Variants in GFPT2 observed in about 807,000 individuals in gnomAD.
GFPT2 encodes the protein glutamine--fructose-6-phosphate aminotransferase [isomerizing] 2.
In GFPT2, 62 loss-of-function variants were observed where a neutral mutation model predicts 85.6. The observed-to-expected ratio is 0.72, with a 90% CI of 0.59 to 0.90. The LOEUF is 0.90. GFPT2 is among the 40% of genes least tolerant of loss of function. The pLI is 0.00. For missense variants in GFPT2, 788 were observed against 893.4 expected, an observed-to-expected ratio of 0.88 and a Z score of 1.50; for synonymous variants, 368 against 344.5, an observed-to-expected ratio of 1.07 and a Z score of -0.75.
intron 16 of GFPT2, 116 bp from the exon 17 acceptor site, chr5:180,305,055 G>T: frequency 1.3e-6 from 1 of 756,356 alleles, no homozygotes; most frequent in Non-Finnish European, 2.3e-6. Flanking sequence ...GAGAGCCAAG[G>T]GTTGCAAGGC....
rs560448078 is a variant in GFPT2 at position 180,324,269 on chromosome 5, C to T, written c.713G>A (p.Arg238Gln). 45 of 1,610,844 alleles carry T rather than the reference C, an allele frequency of 2.8e-5. No individual in the cohort carries two copies. The highest frequency in any genetic ancestry group is 2.5e-4 in the South Asian group (23 of 90,846). The change falls in exon 9 of 19, where the codon CGG (arginine) becomes CAG (glutamine). Residue 238 changes from arginine (R) to glutamine (Q), a missense_variant. Transcript: ENST00000253778. ...GGCGGAGCTGTCCAGCCTCTTCATC[C>T]GTGTCTTACAGATATTCTTCACATT... Reference protein sequence around the residue: ...LENVKNICKTRMKRLDSSACL... With the variant: ...LENVKNICKTQMKRLDSSACL...
At chr5:180,346,096 C>T (rs1240119817) in intron 1 of GFPT2, among the ~76,000 whole-genome samples, 1 of 152,160 alleles carries the variant, frequency 6.6e-6, no homozygotes. Context: ...CCACCATCTA[C>T]AGTGGCTCCC....
chr5:180,325,013 T>C lies in GFPT2; in HGVS notation c.597-118A>G, dbSNP rs1238296772. On this transcript the variant is annotated intron_variant, in intron 7 of 18. Coordinates refer to ENST00000253778, the MANE Select transcript of GFPT2 (RefSeq NM_005110.4). ...GCCCTTTCCCAGTGGTGGAGGATCC[T>C]GTTTAGGTCCCACAGGACGGACGCC... 5.4e-6 allele frequency: 4 copies of C among 734,292 alleles called. No homozygotes were observed. The African/African-American group carries it at 6.9e-5, about 13-fold the overall frequency. 45.5% of individuals were successfully genotyped at this position (734,292 alleles called of 1,614,324 possible).
chr5:180,321,833 G>A (rs1003381341), intron 9 of GFPT2, among the ~76,000 whole-genome samples: 1 of 152,210 alleles, frequency 6.6e-6, no homozygotes, highest in African/African-American at 2.4e-5. Flanking sequence ...GCCCAGGCTG[G>A]AGTGCAGTGG....
chr5:180,346,551 C>T (rs1016286199), intron 1 of GFPT2, among the ~76,000 whole-genome samples: 8 of 152,352 alleles, frequency 5.3e-5, no homozygotes, highest in East Asian at 1.9e-4. Context: ...GCGGGCCCAC[C>T]GCGTGACGTC....
At position 180,311,667 on chromosome 5, in the gene GFPT2, G is replaced by A. The variant is rs763008529; in HGVS notation, c.1546+763C>T. On this transcript the variant is annotated intron_variant, in intron 15 of 18. Coordinates refer to ENST00000253778, the MANE Select transcript of GFPT2 (RefSeq NM_005110.4). ...CTGGCAGACAGAGCTGTGTGTTCAC[G>A]GAGCCGACATGTTAGTTGGGGGAGA... 4.2e-4 allele frequency among the ~76,000 whole-genome samples: 64 copies of A among 152,224 alleles called. 1 individual carries two copies. Among genetic ancestry groups the A allele is most frequent in the Non-Finnish European group, 9.1e-4 (62 of 68,020 alleles).
chr5:180,302,958 G>A (rs974748808), intron 17 of GFPT2, among the ~76,000 whole-genome samples: 2 of 152,108 alleles, frequency 1.3e-5, no homozygotes, highest in Non-Finnish European at 2.9e-5. Context: ...GGCCGGGCGT[G>A]GTGGCTCACG....
chr5:180,305,248 T>C (rs1260968555), intron 16 of GFPT2, among the ~76,000 whole-genome samples: 1 of 152,084 alleles, frequency 6.6e-6, no homozygotes. Context: ...GACAAACAAG[T>C]CGGAGTCAGC....
chr5:180,350,328 T>A (rs1764690334), intron 1 of GFPT2, among the ~76,000 whole-genome samples: 2 of 152,246 alleles, frequency 1.3e-5, no homozygotes, highest in Admixed American at 6.5e-5. Flanking sequence ...AATCTCCCAA[T>A]TTTGTACTTT....
chr5:180,350,218 A>C (rs1454944661), intron 1 of GFPT2, among the ~76,000 whole-genome samples: 1 of 152,062 alleles, frequency 6.6e-6, no homozygotes, highest in Non-Finnish European at 1.5e-5. Context: ...TGTGTCCATC[A>C]CCCAAGGGGT....
Position 180,342,658 on chromosome 5 carries a change from T to C in GFPT2, c.8-4058A>G, listed in dbSNP as rs186465320. 3.9e-3 allele frequency among the ~76,000 whole-genome samples: 598 copies of C among 152,118 alleles called. 23 individuals carry two copies. In the South Asian group the frequency reaches 0.094, roughly 24 times the overall value. On this transcript the variant is annotated intron_variant, in intron 1 of 18. Coordinates refer to ENST00000253778, the MANE Select transcript of GFPT2 (RefSeq NM_005110.4). ...GGCTCACGCCTGTAATCCTAGCGCT[T>C]TGGGAGGCCAAGCTGGACAGATCAT...
chr5:180,336,544 T>A lies in GFPT2; in HGVS notation c.149A>T (p.Lys50Ile). 6.2e-7 allele frequency: 1 copy of A among 1,611,832 alleles called. No individual in the cohort carries two copies. Among genetic ancestry groups the A allele is most frequent in the South Asian group, 1.1e-5 (1 of 91,030 alleles). ...VAIDGNNHEV[K>I]ERHIQLVKKR... ...CTTGACCAGCTGAATGTGTCTTTCT[T>A]TGACTTCGTGATTATTCCCATCGAT... Residue 50 changes from lysine (K) to isoleucine (I), a missense_variant, in exon 3 of 19, where the codon AAA (lysine) becomes ATA (isoleucine). Lys to Ile is a moderately radical substitution (Grantham distance 102). Coordinates refer to ENST00000253778, the MANE Select transcript of GFPT2 (RefSeq NM_005110.4).
chr5:180,319,194 C>T (rs2127650782), intron 9 of GFPT2, among the ~76,000 whole-genome samples: 1 of 152,364 alleles, frequency 6.6e-6, no homozygotes, highest in African/African-American at 2.4e-5. Context: ...CTTCTGTAAA[C>T]ACTTTACCAT....
chr5:180,316,637 C>T (rs6893651), intron 12 of GFPT2, 127 bp downstream of exon 12: 78,806 of 901,264 alleles, frequency 0.087, 4,352 homozygotes, highest in African/African-American at 0.19. Context: ...TCATTTCTCA[C>T]GCTAGCTCAT....
rs761818623 is a variant in GFPT2, at chr5:180,330,726, A to C, written c.508T>G (p.Leu170Val). ...RETEDITFST[L>V]VERVIQQLEG... Reference sequence around the variant, plus strand: ...AACTGCTGAATGACTCTCTCGACCAACGTTGAAAACGTAATGTCCTCAGTT... The same window carrying C: ...AACTGCTGAATGACTCTCTCGACCACCGTTGAAAACGTAATGTCCTCAGTT... Residue 170 changes from leucine (L) to valine (V), a missense_variant, in exon 6 of 19, where the codon TTG (leucine) becomes GTG (valine). By Grantham distance (32) the Leu-to-Val change is conservative. Transcript: ENST00000253778. The surrounding 1 kb of genome is among the most constrained non-coding windows in gnomAD (Gnocchi z 4.4). The C allele has an allele frequency of 8.7e-6, 14 of 1,613,178 alleles. No individual in the cohort carries two copies.
chr5:180,329,109 C>T (rs868418489), intron 6 of GFPT2, among the ~76,000 whole-genome samples: 7 of 152,264 alleles, frequency 4.6e-5, no homozygotes, highest in Middle Eastern at 3.4e-3. Flanking sequence ...ACTAACTTAC[C>T]GCAACCCTAG....
Position 180,328,422 on chromosome 5 carries a change from G to T in GFPT2, c.535-84C>A. Reference sequence around the variant, plus strand: ...CCACAGCCCAGGTGCGTCTCCCTGGGCCCCTCCTGATGGCGGGAGGTCCTG... The same window carrying T: ...CCACAGCCCAGGTGCGTCTCCCTGGTCCCCTCCTGATGGCGGGAGGTCCTG... On this transcript the variant is annotated intron_variant, in intron 6 of 18. Transcript: ENST00000253778. The surrounding 1 kb of genome is among the most constrained non-coding windows in gnomAD (Gnocchi z 5.4). 2 of 1,088,466 alleles carry T rather than the reference G, an allele frequency of 1.8e-6. No homozygotes were observed. The highest frequency in any genetic ancestry group is 2.8e-6 in the Non-Finnish European group (2 of 705,252). 67.4% of individuals were successfully genotyped at this position (1,088,466 alleles called of 1,614,324 possible).
At chr5:180,331,152 C>T (rs981219565) in intron 5 of GFPT2, among the ~76,000 whole-genome samples, 8 of 152,256 alleles carry the variant, frequency 5.3e-5, no homozygotes, top group African/African-American at 1.9e-4. Context: ...GCCTTTCAAA[C>T]TTCAGACAGT....
rs1201903122 is a variant in GFPT2, at chr5:180,321,902, G to A, written c.794+2286C>T. ...GGGTTCACGCCATTCTCCTGCCTCA[G>A]CCTCCCGAGTAGCTGGGACTACAGG... On this transcript the variant is annotated intron_variant, in intron 9 of 18. Coordinates refer to ENST00000253778, the MANE Select transcript of GFPT2 (RefSeq NM_005110.4). 5.3e-5 allele frequency among the ~76,000 whole-genome samples: 8 copies of A among 152,270 alleles called. No individual in the cohort carries two copies. In the East Asian group the frequency reaches 1.5e-3, roughly 29 times the overall value.
Sources: allele counts gnomAD v4.1 joint callset (sites outside exome capture counted in the v4.1 genomes callset), GRCh38; gene constraint gnomAD v4.1.1; non-coding constraint Gnocchi (gnomAD v3.1); transcripts MANE v1.5; gene names NCBI Gene and HGNC (gene_info 2026-07-23, HGNC 2026-07-21).